Variants in LRRFIP2 observed in about 807,000 individuals in gnomAD.
LRRFIP2 encodes LRR binding FLII interacting protein 2.
LRRFIP2 carries 109 observed loss-of-function variants against 125.9 expected under a neutral mutation model. The observed-to-expected ratio is 0.87, with a 90% CI of 0.74 to 1.01. The LOEUF is 1.01. Ranked by LOEUF, LRRFIP2 falls within the 50% of genes least tolerant of loss-of-function variation. The pLI is 0.00. For missense variants in LRRFIP2, 850 were observed against 862.3 expected (o/e 0.99, Z 0.18); for synonymous variants, 291 against 293.1 (o/e 0.99, Z 0.07).
At chr3:37,102,501 T>C (rs1224293377) in intron 15 of LRRFIP2, among the ~76,000 whole-genome samples, 1 of 147,186 alleles carries the variant, frequency 6.8e-6, no homozygotes, top group Non-Finnish European at 1.5e-5. Flanking sequence ...AACAATTCTT[T>C]TTTTTTTTTT....
chr3:37,093,643 T>A (rs144675484), intron 17 of LRRFIP2, among the ~76,000 whole-genome samples: 1 of 152,278 alleles, frequency 6.6e-6, no homozygotes, highest in East Asian at 1.9e-4. Context: ...CCTCTGACTG[T>A]GATCAAAGTT....
At chr3:37,154,083 G>A (rs2096111887) in intron 1 of LRRFIP2, among the ~76,000 whole-genome samples, 1 of 152,084 alleles carries the variant, frequency 6.6e-6, no homozygotes, top group Non-Finnish European at 1.5e-5. Flanking sequence ...GCTGAGGTGG[G>A]AGGACTATGT....
Position 37,076,641 on chromosome 3 carries a change from C to T in LRRFIP2, c.1279-1525G>A, listed in dbSNP as rs563343889. ...CAGCACTTTGGGAGGCCGAGGTGGG[C>T]GGATCACCTGAGGTCGGGAGTTCGA... is the stretch of plus-strand genomic sequence containing the variant. On this transcript the variant is annotated intron_variant, in intron 19 of 27. Transcript: ENST00000336686. Among the ~76,000 whole-genome samples the T allele has an allele frequency of 4.6e-5, 7 of 152,122 alleles. No homozygotes were observed. The East Asian group carries it at 7.7e-4, about 17-fold the overall frequency.
intron 17 of LRRFIP2, 92 bp downstream of exon 17, chr3:37,094,700 T>C (rs2093635053): frequency 1.3e-6 from 1 of 781,364 alleles, no homozygotes; most frequent in Non-Finnish European, 2.2e-6. Context: ...ATATTCCTTC[T>C]TTCTACTAAG....
At chr3:37,121,813 G>T in intron 4 of LRRFIP2, 122 bp from the exon 5 acceptor site, 2 of 843,134 alleles carry the variant, frequency 2.4e-6, no homozygotes, top group South Asian at 1.5e-5. Context: ...GGCAGGTTTG[G>T]ATAACTTATC....
At chr3:37,113,996 A>T (rs145678074) in intron 7 of LRRFIP2, among the ~76,000 whole-genome samples, 164 of 152,308 alleles carry the variant, frequency 1.1e-3, no homozygotes, top group Middle Eastern at 6.8e-3. Flanking sequence ...GAAATAAGAG[A>T]GTGTGGCTAG....
upstream of LRRFIP2, chr3:37,175,247 C>T (rs1471918527): frequency 6.6e-6 from 1 of 152,186 alleles, no homozygotes; most frequent in Non-Finnish European, 1.5e-5. Flanking sequence ...TCACCTTTAT[C>T]CTTACATATC....
At chr3:37,100,437 CAT>C (rs57588408) in intron 15 of LRRFIP2, among the ~76,000 whole-genome samples, 55,003 of 148,386 alleles carry the variant, frequency 0.37, 10,878 homozygotes, top group Non-Finnish European at 0.46. Flanking sequence ...TATGTATACA[CAT>C]GTGTGTGTCT....
At chr3:37,117,125 TAAA>T (rs74270642) in intron 6 of LRRFIP2, among the ~76,000 whole-genome samples, 3 of 132,844 alleles carry the variant, frequency 2.3e-5, no homozygotes, top group East Asian at 2.1e-4. Flanking sequence ...CCCTTTTGTT[TAAA>T]AAAAAAAAAA....
chr3:37,143,299 G>C (rs550339986), intron 2 of LRRFIP2, among the ~76,000 whole-genome samples: 4 of 152,328 alleles, frequency 2.6e-5, no homozygotes, highest in African/African-American at 9.6e-5. Flanking sequence ...CTGTCTTTAT[G>C]TTGAATTCTC....
intron 19 of LRRFIP2, among the ~76,000 whole-genome samples, chr3:37,075,479 CAT>C (rs1476765371): frequency 6.6e-6 from 1 of 151,802 alleles, no homozygotes; most frequent in Non-Finnish European, 1.5e-5. Context: ...AAATAAAAAA[CAT>C]ACATGTAAAC....
At chr3:37,160,548 C>T (rs566997122) in intron 1 of LRRFIP2, among the ~76,000 whole-genome samples, 143 of 152,026 alleles carry the variant, frequency 9.4e-4, no homozygotes, top group African/African-American at 2.5e-3. Context: ...GGGAGGCTGA[C>T]GCAGGCGGAT....
intron 1 of LRRFIP2, among the ~76,000 whole-genome samples, chr3:37,149,404 C>A (rs1389267987): frequency 6.6e-6 from 1 of 152,044 alleles, no homozygotes; most frequent in Non-Finnish European, 1.5e-5. Flanking sequence ...GTAATCCCAG[C>A]TACTCTAGAG....
chr3:37,148,876 G>A lies in LRRFIP2; in HGVS notation c.90+18C>T. The A allele has an allele frequency of 6.2e-7, 1 of 1,613,712 alleles. No homozygotes were observed. The highest frequency in any genetic ancestry group is 8.5e-7 in the Non-Finnish European group (1 of 1,179,824). ...CATCTGTGCAACTCAGTGTTGAGAG[G>A]GGATTTACCAAACATACCTCTCTGG... On this transcript the variant is annotated intron_variant, in intron 2 of 27. Coordinates refer to ENST00000336686, the MANE Select transcript of LRRFIP2 (RefSeq NM_006309.4).
At chr3:37,164,449 G>A (rs1162146386) in intron 1 of LRRFIP2, among the ~76,000 whole-genome samples, 2 of 152,058 alleles carry the variant, frequency 1.3e-5, no homozygotes, top group Non-Finnish European at 2.9e-5. Flanking sequence ...AGGGCATGGC[G>A]GCTCATGCCT....
chr3:37,110,982 T>C lies in LRRFIP2; in HGVS notation c.513+9A>G, dbSNP rs1402749874. 36 of 1,612,420 alleles carry C rather than the reference T, an allele frequency of 2.2e-5. No homozygotes were observed. The highest frequency in any genetic ancestry group is 3.1e-5 in the Non-Finnish European group (36 of 1,179,330). On this transcript the variant is annotated intron_variant, in intron 9 of 27. Coordinates refer to ENST00000336686, the MANE Select transcript of LRRFIP2 (RefSeq NM_006309.4). Reference sequence around the variant, plus strand: ...TCAAACACATAAAGCCAAAAAAGTTTAGACAAACCCGAGTGTAGTAGGCAG... The same window carrying C: ...TCAAACACATAAAGCCAAAAAAGTTCAGACAAACCCGAGTGTAGTAGGCAG...
intron 4 of LRRFIP2, 150 bp from the exon 5 acceptor site, chr3:37,121,841 CGTGTGTGTGTGTGTGTGTGTGTGT>C (rs60540567): frequency 5.2e-5 from 27 of 521,536 alleles, no homozygotes; most frequent in Middle Eastern, 4.9e-4. Context: ...CAGCCACATT[CGTGTGTGTGTGTGTGTGTGTGTGT>C]GTGTGTGTGT....
chr3:37,135,223 G>A, intron 2 of LRRFIP2: 1 of 670,742 alleles, frequency 1.5e-6, no homozygotes, highest in South Asian at 1.8e-5. Flanking sequence ...CACTTTGGGA[G>A]TCCAAGGCGG....
At chr3:37,115,408 C>CTT (rs2094735226) in intron 6 of LRRFIP2, among the ~76,000 whole-genome samples, 1 of 152,094 alleles carries the variant, frequency 6.6e-6, no homozygotes, top group Admixed American at 6.5e-5. Flanking sequence ...CTAAGGGAGC[C>CTT]TTTAAATACA....
Sources: gnomAD v4.1 joint callset for allele counts (sites outside exome capture counted in the v4.1 genomes callset) on GRCh38, gnomAD v4.1.1 for gene constraint, MANE v1.5 for transcripts, NCBI Gene and HGNC (gene_info 2026-07-23, HGNC 2026-07-21) for gene names.